SNX7: variants seen among roughly 807,000 people sequenced by gnomAD.
The protein encoded by SNX7 is sorting nexin 7.
A neutral mutation model predicts 48.4 loss-of-function variants in SNX7; 35 were observed. That is an observed-to-expected ratio of 0.72 (90% confidence interval 0.55 to 0.96). The LOEUF (loss-of-function observed/expected upper bound fraction) is 0.96, where lower values mean the gene tolerates loss of function less well. SNX7 is among the 40% of genes least tolerant of loss of function. SNX7 has a pLI of 0.00. For synonymous variants in SNX7, 190 were observed against 190.2 expected (o/e 1.00, Z 0.01); for missense variants, 553 against 548.9 (o/e 1.01, Z -0.07).
At chr1:98,688,607 A>C (rs2100947504) in intron 2 of SNX7, among the ~76,000 whole-genome samples, 1 of 152,298 alleles carries the variant, frequency 6.6e-6, no homozygotes, top group Non-Finnish European at 1.5e-5. Context: ...GTTTAGAATA[A>C]CTGTTCACAC....
chr1:98,734,905 C>T (rs1312789689), intron 7 of SNX7, among the ~76,000 whole-genome samples: 1 of 152,162 alleles, frequency 6.6e-6, no homozygotes. Context: ...GAGGGCTAAA[C>T]TGCTGTCAGT....
At chr1:98,675,445 G>A (rs567681173) in intron 1 of SNX7, among the ~76,000 whole-genome samples, 9 of 152,070 alleles carry the variant, frequency 5.9e-5, no homozygotes, top group South Asian at 2.1e-4. Flanking sequence ...GCTAGATATC[G>A]AAGCATATTT....
intron 1 of SNX7, chr1:98,662,170 T>C: frequency 2.9e-6 from 1 of 342,832 alleles, no homozygotes; most frequent in East Asian, 4.4e-5. Flanking sequence ...TGTGGCTTAG[T>C]GGAGTCTGCA....
intron 7 of SNX7, among the ~76,000 whole-genome samples, chr1:98,721,367 C>G (rs769951848): frequency 2.8e-4 from 43 of 152,066 alleles, no homozygotes; most frequent in Non-Finnish European, 3.4e-4. Context: ...ACATTAAAGA[C>G]AATGCATAGC....
chr1:98,691,937 A>ACACACACT (rs376006567), intron 4 of SNX7, among the ~76,000 whole-genome samples: 88 of 131,168 alleles, frequency 6.7e-4, no homozygotes, highest in East Asian at 5.2e-3. Context: ...ACACACACAC[A>ACACACACT]CTCTCTCTCT....
chr1:98,735,973 T>G (rs1380036783), intron 7 of SNX7, among the ~76,000 whole-genome samples: 1 of 152,142 alleles, frequency 6.6e-6, no homozygotes, highest in African/African-American at 2.4e-5. Context: ...TAAGTTCTTC[T>G]CTAGGAACAC....
intron 8 of SNX7, 23 bp from the exon 9 acceptor site, chr1:98,760,031 C>A: frequency 6.8e-7 from 1 of 1,463,488 alleles, no homozygotes; most frequent in Non-Finnish European, 9.6e-7. Flanking sequence ...TTGATTGCCT[C>A]ATGGTGTGTT....
Position 98,695,251 on chromosome 1 carries a change from C to G in SNX7, c.640-267C>G, listed in dbSNP as rs189604947. On this transcript the variant is annotated intron_variant, in intron 4 of 8. Coordinates refer to ENST00000306121, the MANE Select transcript of SNX7 (RefSeq NM_015976.5). ...TTGAGCACTATTCTGTCGGTTAAACCCTGTTCTTTTAAAGATTTACGGTCT... is the reference window on the plus strand; with the variant it reads ...TTGAGCACTATTCTGTCGGTTAAACGCTGTTCTTTTAAAGATTTACGGTCT... Among the ~76,000 whole-genome samples the G allele has an allele frequency of 3.6e-3, 552 of 152,054 alleles. 4 individuals carry two copies. Among genetic ancestry groups the G allele is most frequent in the African/African-American group, 0.012 (513 of 41,458 alleles).
intron 1 of SNX7, 106 bp downstream of exon 1, chr1:98,662,017 G>A: frequency 8.6e-7 from 1 of 1,161,110 alleles, no homozygotes; most frequent in Non-Finnish European, 1.1e-6. Flanking sequence ...CCGGGGCGGT[G>A]GCTCTGAGCT....
chr1:98,682,688 C>G (rs1650566030), intron 1 of SNX7, among the ~76,000 whole-genome samples: 2 of 152,076 alleles, frequency 1.3e-5, no homozygotes, highest in South Asian at 4.1e-4. Flanking sequence ...TATATTGTTT[C>G]TTAAATCTTT....
At chr1:98,718,235 C>A (rs1412952044) in intron 7 of SNX7, among the ~76,000 whole-genome samples, 3 of 152,086 alleles carry the variant, frequency 2.0e-5, no homozygotes, top group Non-Finnish European at 4.4e-5. Context: ...CAAGATCACA[C>A]ATGAATGTGT....
intron 6 of SNX7, among the ~76,000 whole-genome samples, chr1:98,700,903 G>A (rs1250887573): frequency 3.9e-5 from 6 of 151,960 alleles, no homozygotes; most frequent in Non-Finnish European, 8.8e-5. Flanking sequence ...TTTATGTCCT[G>A]TACTTCTCTA....
chr1:98,662,537 C>T (rs1017947441), intron 1 of SNX7, among the ~76,000 whole-genome samples: 2 of 152,106 alleles, frequency 1.3e-5, no homozygotes, highest in Non-Finnish European at 2.9e-5. Context: ...TTTCGTTTTT[C>T]CTTGCCCCCG....
chr1:98,699,232 T>C (rs1651630423), intron 6 of SNX7, among the ~76,000 whole-genome samples: 2 of 152,178 alleles, frequency 1.3e-5, no homozygotes, highest in South Asian at 4.1e-4. Context: ...TTTTTAGTGC[T>C]TTGGGGATTT....
intron 1 of SNX7, among the ~76,000 whole-genome samples, chr1:98,664,235 G>A (rs1044065971): frequency 6.6e-6 from 1 of 152,134 alleles, no homozygotes; most frequent in African/African-American, 2.4e-5. Flanking sequence ...ATATGTGTCT[G>A]GTATACTCTT....
intron 7 of SNX7, among the ~76,000 whole-genome samples, chr1:98,728,725 A>G (rs1025723104): frequency 6.6e-6 from 1 of 152,214 alleles, no homozygotes; most frequent in Non-Finnish European, 1.5e-5. Context: ...TAAAGGGTTC[A>G]TTTCAGCAAG....
chr1:98,673,855 G>A (rs1448941151), intron 1 of SNX7, among the ~76,000 whole-genome samples: 1 of 152,160 alleles, frequency 6.6e-6, no homozygotes, highest in Non-Finnish European at 1.5e-5. Flanking sequence ...TGTATGTGTT[G>A]CTAAGGCACA....
intron 8 of SNX7, among the ~76,000 whole-genome samples, chr1:98,742,579 T>C (rs1283560272): frequency 6.6e-6 from 1 of 152,152 alleles, no homozygotes; most frequent in East Asian, 1.9e-4. Context: ...ATTTTAAAAT[T>C]ATTAGTAAAT....
At chr1:98,664,474 G>C (rs990325473) in intron 1 of SNX7, among the ~76,000 whole-genome samples, 9 of 152,174 alleles carry the variant, frequency 5.9e-5, no homozygotes, top group African/African-American at 1.9e-4. Context: ...GTTGCAGTGG[G>C]CTGAGAGATC....
Sources: gnomAD v4.1 joint callset for allele counts (sites outside exome capture counted in the v4.1 genomes callset) on GRCh38, gnomAD v4.1.1 for gene constraint, MANE v1.5 for transcripts, NCBI Gene and HGNC (gene_info 2026-07-23, HGNC 2026-07-21) for gene names.